Variants in MAP2K4 observed in about 807,000 individuals in gnomAD.
The protein encoded by MAP2K4 is mitogen-activated protein kinase kinase 4.
MAP2K4 carries 4 observed loss-of-function variants against 48.5 expected under a neutral mutation model. The observed-to-expected ratio is 0.08, with a 90% CI of 0.04 to 0.19. The LOEUF (loss-of-function observed/expected upper bound fraction) is 0.19, where lower values mean the gene tolerates loss of function less well. Ranked by LOEUF, MAP2K4 falls within the 10% of genes least tolerant of loss-of-function variation. MAP2K4 has a pLI of 1.00. For missense variants in MAP2K4, 258 were observed against 493.3 expected (o/e 0.52, Z 4.52); for synonymous variants, 166 against 173.1 (o/e 0.96, Z 0.32).
chr17:12,038,900 A>G (rs1034811962), intron 1 of MAP2K4, among the ~76,000 whole-genome samples: 1 of 152,188 alleles, frequency 6.6e-6, no homozygotes, highest in African/African-American at 2.4e-5. Context: ...GTTGGCGCTT[A>G]TAGGAATGAT....
intron 1 of MAP2K4, among the ~76,000 whole-genome samples, chr17:12,053,516 T>G (rs1161217615): frequency 6.6e-6 from 1 of 152,030 alleles, no homozygotes; most frequent in Non-Finnish European, 1.5e-5. Flanking sequence ...TTTTTTTAGT[T>G]TTGTTTTTTG....
chr17:12,086,383 C>T (rs1004322572), intron 3 of MAP2K4, among the ~76,000 whole-genome samples: 12 of 152,082 alleles, frequency 7.9e-5, no homozygotes, highest in Admixed American at 6.5e-5. Context: ...CAGGGCTGGC[C>T]TCTAGGCAGC....
chr17:12,113,487 C>T (rs1262092347), intron 7 of MAP2K4, 127 bp downstream of exon 7: 6 of 1,154,034 alleles, frequency 5.2e-6, no homozygotes, highest in Admixed American at 4.9e-5. Flanking sequence ...ACCCTAAGGC[C>T]CAAGCTCAGG....
chr17:12,085,435 G>A (rs1971328965), intron 3 of MAP2K4, among the ~76,000 whole-genome samples: 2 of 151,714 alleles, frequency 1.3e-5, no homozygotes, highest in South Asian at 4.2e-4. Flanking sequence ...GGTTAATCAG[G>A]AAAAACAGAT....
At chr17:12,100,921 C>T (rs1354467309) in intron 4 of MAP2K4, among the ~76,000 whole-genome samples, 3 of 151,716 alleles carry the variant, frequency 2.0e-5, no homozygotes, top group Non-Finnish European at 2.9e-5. Flanking sequence ...TTTTGTTATT[C>T]GGTTTTGGGA....
intron 1 of MAP2K4, among the ~76,000 whole-genome samples, chr17:12,026,274 TTTC>T (rs1185387613): frequency 2.0e-5 from 3 of 152,226 alleles, no homozygotes; most frequent in Non-Finnish European, 4.4e-5. Context: ...TTCGTAAATT[TTTC>T]TTCTTTCACT....
intron 3 of MAP2K4, among the ~76,000 whole-genome samples, chr17:12,085,442 A>G (rs1421918246): frequency 6.6e-6 from 1 of 151,866 alleles, no homozygotes. Flanking sequence ...CAGGAAAAAC[A>G]GATCTGTTGT....
intron 4 of MAP2K4, among the ~76,000 whole-genome samples, chr17:12,099,572 A>G (rs970222212): frequency 6.6e-6 from 1 of 152,138 alleles, no homozygotes; most frequent in Non-Finnish European, 1.5e-5. Flanking sequence ...AACCATGCAT[A>G]CTTCTTTCTA....
rs1043252836 is a variant in MAP2K4, at chr17:12,065,310, T to TC, written c.218+10319_218+10320insC. ...TTATTATTGGTGTTTGTTGTTTTTT[T>TC]TTTTTTGAGACAGAGTCTTGCTCTG... On this transcript the variant is annotated intron_variant, in intron 2 of 10. Transcript: ENST00000353533. 7.4e-4 allele frequency among the ~76,000 whole-genome samples: 109 copies of TC among 146,890 alleles called. 2 individuals are homozygous for TC. The highest frequency in any genetic ancestry group is 1.1e-3 in the South Asian group (5 of 4,720).
chr17:12,108,037 A>G (rs1972180260), intron 5 of MAP2K4, 128 bp downstream of exon 5: 1 of 833,804 alleles, frequency 1.2e-6, no homozygotes, highest in Admixed American at 3.0e-5. Flanking sequence ...GTTAATAACC[A>G]GAGACAAAGT....
chr17:12,036,362 T>G (rs1969597514), intron 1 of MAP2K4: 1 of 152,244 alleles, frequency 6.6e-6, no homozygotes, highest in Admixed American at 6.5e-5. Flanking sequence ...TTTTTGTACA[T>G]GTAAAGGTAT....
At chr17:12,140,977 A>G (rs1973360273) in intron 10 of MAP2K4, among the ~76,000 whole-genome samples, 170 bp from the exon 11 acceptor site, 1 of 152,138 alleles carries the variant, frequency 6.6e-6, no homozygotes. Context: ...CCATTAGCAT[A>G]TCTGCATGGA....
chr17:12,022,651 A>G (rs1375437541), intron 1 of MAP2K4, among the ~76,000 whole-genome samples: 4 of 152,240 alleles, frequency 2.6e-5, no homozygotes, highest in Non-Finnish European at 5.9e-5. Context: ...GCATCTGCAT[A>G]AAACGCTCAT....
At chr17:12,129,929 G>A (rs1291123985) in intron 9 of MAP2K4, among the ~76,000 whole-genome samples, 1 of 152,140 alleles carries the variant, frequency 6.6e-6, no homozygotes, top group African/African-American at 2.4e-5. Flanking sequence ...ATATAATCAT[G>A]CTTTATACTG....
intron 3 of MAP2K4, among the ~76,000 whole-genome samples, chr17:12,089,627 T>G (rs1270360240): frequency 2.6e-5 from 4 of 152,186 alleles, no homozygotes; most frequent in Non-Finnish European, 5.9e-5. Context: ...CAGCTACAGG[T>G]GTACCTGTGC....
At chr17:12,036,707 T>A (rs1229676517) in intron 1 of MAP2K4, 1 of 54,330 alleles carries the variant, frequency 1.8e-5, no homozygotes. Flanking sequence ...AGCATTCTAA[T>A]TTTTTTTTTT....
At chr17:12,037,121 G>A (rs1330037734) in intron 1 of MAP2K4, among the ~76,000 whole-genome samples, 1 of 152,138 alleles carries the variant, frequency 6.6e-6, no homozygotes, top group Non-Finnish European at 1.5e-5. Flanking sequence ...TATTCTGGAT[G>A]CTACGAATTG....
intron 9 of MAP2K4, among the ~76,000 whole-genome samples, chr17:12,133,607 T>A (rs1354543230): frequency 6.7e-6 from 1 of 150,120 alleles, no homozygotes; most frequent in Non-Finnish European, 1.5e-5. Flanking sequence ...ACCATTGGAA[T>A]TTTTTTTAGG....
At chr17:12,113,436 G>A in intron 7 of MAP2K4, 76 bp downstream of exon 7, 2 of 1,525,774 alleles carry the variant, frequency 1.3e-6, no homozygotes, top group Non-Finnish European at 1.8e-6. Context: ...CTGGCCATTA[G>A]TCATACGGTT....
Sources: gnomAD v4.1 joint callset for allele counts (sites outside exome capture counted in the v4.1 genomes callset) on GRCh38, gnomAD v4.1.1 for gene constraint, MANE v1.5 for transcripts, NCBI Gene and HGNC (gene_info 2026-07-23, HGNC 2026-07-21) for gene names.